The following BTRC variants were observed in gnomAD, a reference collection of about 807,000 sequenced individuals.
The protein encoded by BTRC is beta-transducin repeat containing E3 ubiquitin protein ligase, also known as F-box/WD repeat-containing protein 1A.
In BTRC, 42 loss-of-function variants were observed where a neutral mutation model predicts 85.5. The ratio of observed to expected loss-of-function variants is 0.49; its 90% CI spans 0.38 to 0.64. The LOEUF is 0.64. Ranked by LOEUF, BTRC falls within the 30% of genes least tolerant of loss-of-function variation. The probability of loss-of-function intolerance (pLI) is 0.00; values close to 1 mark genes in which losing one functional copy is unlikely to be tolerated. For missense variants in BTRC, 594 were observed against 743.5 expected, an observed-to-expected ratio of 0.80 and a Z score of 2.34; for synonymous variants, 255 against 263.3, an observed-to-expected ratio of 0.97 and a Z score of 0.30.
At chr10:101,534,528 C>T in intron 9 of BTRC, 133 bp from the exon 10 acceptor site, 1 of 1,176,846 alleles carries the variant, frequency 8.5e-7, no homozygotes, top group South Asian at 1.4e-5. Context: ...GGCAGCATCC[C>T]ATCCCCTTCC....
chr10:101,541,933 G>A (rs2134448158), intron 13 of BTRC, among the ~76,000 whole-genome samples: 1 of 99,364 alleles, frequency 1.0e-5, no homozygotes, highest in African/African-American at 5.2e-5. Flanking sequence ...TCATGATAAT[G>A]TTGGCCTTAT....
chr10:101,551,694 ATC>A (rs921695245), intron 14 of BTRC, among the ~76,000 whole-genome samples: 2 of 152,220 alleles, frequency 1.3e-5, no homozygotes, highest in African/African-American at 4.8e-5. Flanking sequence ...ACGTTTCTGC[ATC>A]TCTCTTTGCA....
chr10:101,506,407 G>GT (rs1946543119), intron 4 of BTRC, among the ~76,000 whole-genome samples: 1 of 152,004 alleles, frequency 6.6e-6, no homozygotes, highest in Non-Finnish European at 1.5e-5. Flanking sequence ...TTTAGCTCAT[G>GT]TTTTTTTGTA....
intron 4 of BTRC, among the ~76,000 whole-genome samples, chr10:101,493,869 A>G (rs1473872898): frequency 1.3e-5 from 2 of 152,214 alleles, no homozygotes; most frequent in Non-Finnish European, 2.9e-5. Flanking sequence ...ACTGTGGCTT[A>G]ATTAATGCCA....
chr10:101,556,822 A>G lies in BTRC; in HGVS notation c.*3699A>G, dbSNP rs2062729283. 6.6e-6 allele frequency: 1 copy of G among 152,260 alleles called. No individual in the cohort carries two copies. Among genetic ancestry groups the G allele is most frequent in the African/African-American group, 2.4e-5 (1 of 41,454 alleles). The allele number at this position is 152,260 out of a possible 1,614,324, so 9.4% of individuals were successfully genotyped here. ...AATGTCCTGGAGGCAGATGACATCTAAAATATGTGCTTTCCAACCAGCACA... is the reference window on the plus strand; with the variant it reads ...AATGTCCTGGAGGCAGATGACATCTGAAATATGTGCTTTCCAACCAGCACA... On this transcript the variant is annotated 3_prime_UTR_variant, in exon 15 of 15. Transcript: ENST00000370187.
intron 4 of BTRC, among the ~76,000 whole-genome samples, chr10:101,480,855 A>G (rs944891154): frequency 5.3e-5 from 8 of 152,364 alleles, no homozygotes; most frequent in Middle Eastern, 6.8e-3. Context: ...ATTATAAATT[A>G]CATATTTTTC....
chr10:101,481,009 C>T (rs1945818394), intron 4 of BTRC, among the ~76,000 whole-genome samples: 1 of 152,194 alleles, frequency 6.6e-6, no homozygotes, highest in Admixed American at 6.5e-5. Context: ...GCCTTTACCT[C>T]CAGGGCTCAA....
chr10:101,525,506 A>G (rs939169475), intron 5 of BTRC, among the ~76,000 whole-genome samples: 3 of 152,118 alleles, frequency 2.0e-5, no homozygotes, highest in Non-Finnish European at 4.4e-5. Flanking sequence ...CATGCCCAAA[A>G]TTCTATAACC....
At chr10:101,533,961 G>GA (rs1477411233) in intron 9 of BTRC, among the ~76,000 whole-genome samples, 2 of 151,928 alleles carry the variant, frequency 1.3e-5, no homozygotes, top group Non-Finnish European at 2.9e-5. Flanking sequence ...ATAAGATAAA[G>GA]AAAAAATGAT....
chr10:101,527,787 CT>C (rs1564827274), intron 6 of BTRC, among the ~76,000 whole-genome samples: 1 of 142,518 alleles, frequency 7.0e-6, no homozygotes, highest in African/African-American at 2.6e-5. Flanking sequence ...CTCTCTCTCT[CT>C]CTCACATACA....
intron 1 of BTRC, among the ~76,000 whole-genome samples, chr10:101,427,157 C>T (rs1345644713): frequency 3.3e-5 from 4 of 119,726 alleles, no homozygotes; most frequent in Admixed American, 1.1e-4. Flanking sequence ...CTTGTTCTGT[C>T]GCCAGGCTGG....
At chr10:101,467,181 T>C (rs908183925) in intron 3 of BTRC, among the ~76,000 whole-genome samples, 4 of 114,408 alleles carry the variant, frequency 3.5e-5, no homozygotes, top group Non-Finnish European at 8.5e-5. Flanking sequence ...TCAAGAGAGC[T>C]CCTTTTCTTC....
intron 4 of BTRC, among the ~76,000 whole-genome samples, chr10:101,495,604 A>T (rs548829661): frequency 6.6e-6 from 1 of 152,290 alleles, no homozygotes; most frequent in East Asian, 1.9e-4. Flanking sequence ...GCAAGTGAAG[A>T]TATAGTCTCA....
chr10:101,442,688 C>T (rs1362227418), intron 2 of BTRC, among the ~76,000 whole-genome samples: 1 of 151,984 alleles, frequency 6.6e-6, no homozygotes, highest in East Asian at 1.9e-4. Flanking sequence ...CCTTCAGTGA[C>T]ATAAACGTAA....
rs373887507 is a variant in BTRC at position 101,442,001 on chromosome 10, T to A, written c.156+11549T>A. ...TAAGATTGCATATACTTCTTTGATT[T>A]GAATGATGGAAAAATTTCTAGGAAC... On this transcript the variant is annotated intron_variant, in intron 2 of 14. Transcript: ENST00000370187. 8.4e-4 allele frequency among the ~76,000 whole-genome samples: 128 copies of A among 152,300 alleles called. 2 individuals carry two copies. Among genetic ancestry groups the A allele is most frequent in the African/African-American group, 3.0e-3 (126 of 41,574 alleles).
intron 13 of BTRC, among the ~76,000 whole-genome samples, chr10:101,539,123 A>G (rs1240103781): frequency 2.0e-5 from 3 of 151,614 alleles, no homozygotes; most frequent in East Asian, 3.9e-4. Context: ...CAGCCTATTC[A>G]TGAGGTAGTG....
chr10:101,446,700 G>A (rs993009262), intron 2 of BTRC, among the ~76,000 whole-genome samples: 10 of 152,066 alleles, frequency 6.6e-5, no homozygotes, highest in African/African-American at 2.4e-4. Flanking sequence ...TAGGCAACTG[G>A]AGTTTTAATG....
chr10:101,513,282 G>GT (rs1312325617), intron 4 of BTRC, among the ~76,000 whole-genome samples: 2 of 152,128 alleles, frequency 1.3e-5, no homozygotes, highest in East Asian at 1.9e-4. Context: ...ACTCTTAGAA[G>GT]TTTTTTTAAA....
At chr10:101,463,053 T>G (rs900324242) in intron 3 of BTRC, among the ~76,000 whole-genome samples, 10 of 150,226 alleles carry the variant, frequency 6.7e-5, no homozygotes, top group Non-Finnish European at 1.0e-4. Flanking sequence ...TTTTGGGGTT[T>G]TTTTTTTTTT....
Sources: gnomAD v4.1 joint callset for allele counts (sites outside exome capture counted in the v4.1 genomes callset) on GRCh38, gnomAD v4.1.1 for gene constraint, MANE v1.5 for transcripts, NCBI Gene and HGNC (gene_info 2026-07-23, HGNC 2026-07-21) for gene names.